Variants in TBC1D28 observed in about 807,000 individuals in gnomAD.
The protein encoded by TBC1D28 is TBC1 domain family member 28, also known as TBC1 domain family, member 28.
A neutral mutation model predicts 29.2 loss-of-function variants in TBC1D28; 20 were observed. That is an observed-to-expected ratio of 0.68 (90% confidence interval 0.48 to 0.99). The LOEUF (loss-of-function observed/expected upper bound fraction) is 0.99, where lower values mean the gene tolerates loss of function less well. Among genes scored for constraint, TBC1D28 ranks in the 50% least tolerant of loss-of-function variants. TBC1D28 has a pLI of 0.00. For synonymous variants in TBC1D28, 65 were observed against 90.9 expected (o/e 0.71, Z 1.62); for missense variants, 205 against 243.7 (o/e 0.84, Z 1.06).
At chr17:18,636,341 T>C (rs1376009501) in exon 9 of TBC1D28, 1 of 1,502,562 alleles carries the variant, frequency 6.7e-7, no homozygotes, top group Non-Finnish European at 8.8e-7. Context: ...GAAGGTCATT[T>C]CTTCATCTGA....
intron 7 of TBC1D28, 65 bp downstream of exon 8, chr17:18,638,248 G>A (rs974757885): frequency 2.5e-6 from 4 of 1,570,408 alleles, no homozygotes; most frequent in Admixed American, 3.4e-5. Context: ...TCCAGCTGGA[G>A]TCCTGGGATC....
In TBC1D28 at chr17:18,638,603, G is replaced by T. The variant is rs372213852; in HGVS notation, c.279+18C>A. ...TCTGCAGAGAGCAGTCACGGGGGCC[G>T]CTTCCTCCCCATGTTACCTTCTTGG... On this transcript the variant is annotated intron_variant, in intron 6 of 8. Coordinates refer to ENST00000345096, the Ensembl canonical transcript of TBC1D28. 6.2e-7 allele frequency: 1 copy of T among 1,613,650 alleles called. No individual in the cohort carries two copies. Among genetic ancestry groups the T allele is most frequent in the Non-Finnish European group, 8.5e-7 (1 of 1,179,988 alleles).
chr17:18,638,762 A>G (rs2031632401), intron 5 of TBC1D28, 61 bp from the exon 7 acceptor site: 4 of 1,610,634 alleles, frequency 2.5e-6, no homozygotes, highest in Non-Finnish European at 3.4e-6. Flanking sequence ...TGGCCCGTGG[A>G]TGCTGGGTCC....
exon 9 of TBC1D28, chr17:18,635,409 C>T (rs935643772): frequency 3.0e-5 from 16 of 529,030 alleles, no homozygotes; most frequent in Non-Finnish European, 3.6e-5. Context: ...GCGCCCCCTG[C>T]ACCTGAGCCC....
rs1157718284 is a variant in TBC1D28, at chr17:18,638,719, A to T, written c.199-18T>A. On this transcript the variant is annotated intron_variant, in intron 5 of 8. Transcript: ENST00000345096. Reference sequence around the variant, plus strand: ...CGTCTTTGCTGTCAAATGAGCCATGATGGAGTTAGCGGAGCTGTCAGTCGT... The same window carrying T: ...CGTCTTTGCTGTCAAATGAGCCATGTTGGAGTTAGCGGAGCTGTCAGTCGT... The T allele has an allele frequency of 3.1e-6, 5 of 1,613,974 alleles. No homozygotes were observed. The highest frequency in any genetic ancestry group is 4.2e-6 in the Non-Finnish European group (5 of 1,179,862).
chr17:18,643,448 G>A (rs1017243061), upstream of TBC1D28, among the ~76,000 whole-genome samples: 48 of 150,222 alleles, frequency 3.2e-4, no homozygotes, highest in African/African-American at 1.1e-3. Context: ...GACCCCTGCC[G>A]GCCAGGCTTT....
chr17:18,638,342 T>A, exon 7 of TBC1D28: 1 of 1,614,222 alleles, frequency 6.2e-7, no homozygotes, highest in Non-Finnish European at 8.5e-7. Flanking sequence ...TGGGACTTGA[T>A]TTTGTCAATA....
At chr17:18,638,385 C>T (rs201514885) in exon 7 of TBC1D28, 33 of 1,614,184 alleles carry the variant, frequency 2.0e-5, no homozygotes, top group African/African-American at 5.3e-5. Context: ...GGCCCCGCAC[C>T]GCCAGGGGAA....
At position 18,635,990 on chromosome 17, in the gene TBC1D28, G is replaced by A. The variant is rs993736982; in HGVS notation, c.*472C>T. 1.5e-4 allele frequency: 144 copies of A among 992,754 alleles called. 1 individual carries two copies. The highest frequency in any genetic ancestry group is 1.7e-4 in the Non-Finnish European group (138 of 834,570). 61.5% of individuals were successfully genotyped at this position (992,754 alleles called of 1,614,324 possible). A position where few individuals can be genotyped will look rare whatever the true frequency, so the allele number is the denominator to read the frequency against. ...TGCAACAGCCCAAGGGCTGCCTGCC[G>A]AACATAAGGGGTGGCTGGGTCCTCC... is the stretch of plus-strand genomic sequence containing the variant. On this transcript the variant is annotated 3_prime_UTR_variant, in exon 9 of 9. Coordinates refer to ENST00000345096, the Ensembl canonical transcript of TBC1D28.
At chr17:18,643,376 C>T (rs909162604), upstream of TBC1D28, among the ~76,000 whole-genome samples, 33 of 150,384 alleles carry the variant, frequency 2.2e-4, no homozygotes, top group African/African-American at 7.9e-4. Flanking sequence ...CAAGGAGGCT[C>T]TAAGGACAAA....
chr17:18,641,601 T>A, intron 2 of TBC1D28, 31 bp downstream of exon 3: 1 of 572,270 alleles, frequency 1.7e-6, no homozygotes, highest in South Asian at 2.2e-5. Flanking sequence ...AGAGGCCTAT[T>A]GTCCCCGAAC....
At chr17:18,639,496 G>C (rs2031672694) in intron 4 of TBC1D28, among the ~76,000 whole-genome samples, 2 of 140,158 alleles carry the variant, frequency 1.4e-5, no homozygotes. Context: ...ACCTGGGCTG[G>C]AGGTGACACC....
chr17:18,642,882 G>A (rs1191473671), upstream of TBC1D28: 1 of 152,266 alleles, frequency 6.6e-6, no homozygotes, highest in Non-Finnish European at 1.5e-5. Context: ...CAGCACCAGT[G>A]ACATTTTGAG....
chr17:18,643,973 G>T (rs1198509618), upstream of TBC1D28, among the ~76,000 whole-genome samples: 4 of 152,192 alleles, frequency 2.6e-5, no homozygotes, highest in Admixed American at 2.6e-4. Context: ...TCAGGGGCCA[G>T]AAAACCCTGG....
At chr17:18,641,511 T>C in intron 2 of TBC1D28, 121 bp downstream of exon 3, 1 of 791,554 alleles carries the variant, frequency 1.3e-6, no homozygotes, top group South Asian at 1.8e-5. Context: ...GCCCCACCCC[T>C]GACTGGATCT....
upstream of TBC1D28, chr17:18,642,508 G>T (rs1479052924): frequency 6.6e-6 from 1 of 152,078 alleles, no homozygotes; most frequent in Non-Finnish European, 1.5e-5. Flanking sequence ...CATGGCAAAG[G>T]GTAGGGCTGA....
At chr17:18,635,124 C>A (rs1204019395) in exon 9 of TBC1D28, 1 of 152,376 alleles carries the variant, frequency 6.6e-6, no homozygotes, top group African/African-American at 2.4e-5. Context: ...GAGCCGCAGC[C>A]GGGCTCGGGC....
chr17:18,635,932 G>A, exon 9 of TBC1D28: 1 of 992,900 alleles, frequency 1.0e-6, no homozygotes, highest in Non-Finnish European at 1.2e-6. Flanking sequence ...AGGCCCAGGG[G>A]ACTTGAGCAA....
In TBC1D28 at chr17:18,641,444, A is replaced by G. The variant is rs927131458; in HGVS notation, c.-1-91T>C. On this transcript the variant is annotated intron_variant, in intron 2 of 8. Coordinates refer to ENST00000345096, the Ensembl canonical transcript of TBC1D28. Reference sequence around the variant, plus strand: ...CGCACTGCACTCCCAGACACACTCCAGTCTGGTGAGCCCCATTCCACTACC... The same window carrying G: ...CGCACTGCACTCCCAGACACACTCCGGTCTGGTGAGCCCCATTCCACTACC... The G allele has an allele frequency of 2.4e-5, 25 of 1,037,798 alleles. No homozygotes were observed. In the African/African-American group the frequency reaches 3.0e-4, roughly 12 times the overall value. 64.3% of individuals were successfully genotyped at this position (1,037,798 alleles called of 1,614,324 possible). A position where few individuals can be genotyped will look rare whatever the true frequency, so the allele number is the denominator to read the frequency against.
Sources: gnomAD v4.1 joint callset for allele counts (sites outside exome capture counted in the v4.1 genomes callset) on GRCh38, gnomAD v4.1.1 for gene constraint, MANE v1.5 for transcripts, NCBI Gene and HGNC (gene_info 2026-07-23, HGNC 2026-07-21) for gene names.